HIVEP2: variants seen among roughly 807,000 people sequenced by gnomAD.
HIVEP2 encodes the protein transcription factor HIVEP2.
A neutral mutation model predicts 180.7 loss-of-function variants in HIVEP2; 14 were observed. That is an observed-to-expected ratio of 0.08 (90% CI 0.05 to 0.12). The LOEUF is 0.12. Ranked by LOEUF, HIVEP2 falls within the 10% of genes least tolerant of loss-of-function variation. The probability of loss-of-function intolerance (pLI) is 1.00; values close to 1 mark genes in which losing one functional copy is unlikely to be tolerated. For synonymous variants in HIVEP2, 1,184 were observed against 1,136.4 expected, an observed-to-expected ratio of 1.04 and a Z score of -0.84; for missense variants, 2,579 against 3,008.5, an observed-to-expected ratio of 0.86 and a Z score of 3.34.
chr6:142,868,414 G>A (rs1349947720), intron 1 of HIVEP2, among the ~76,000 whole-genome samples: 2 of 152,190 alleles, frequency 1.3e-5, no homozygotes, highest in Non-Finnish European at 2.9e-5. Flanking sequence ...CTCGGGCCAA[G>A]TGAAATGTCT....
intron 2 of HIVEP2, among the ~76,000 whole-genome samples, chr6:142,833,853 G>C (rs113713730): frequency 6.6e-6 from 1 of 152,132 alleles, no homozygotes; most frequent in Non-Finnish European, 1.5e-5. Context: ...TTTCACATCA[G>C]TTTGTAAATA....
intron 1 of HIVEP2, among the ~76,000 whole-genome samples, chr6:142,939,598 T>TA (rs994635274): frequency 4.6e-5 from 7 of 151,902 alleles, no homozygotes; most frequent in East Asian, 1.9e-4. Context: ...AGATCCTCAG[T>TA]AAAAAAAAGA....
chr6:142,905,898 G>A (rs907973439), intron 1 of HIVEP2, among the ~76,000 whole-genome samples: 2 of 152,164 alleles, frequency 1.3e-5, no homozygotes, highest in Admixed American at 6.5e-5. Context: ...TTGGGAGGCC[G>A]AGGCGGGGGC....
intron 1 of HIVEP2, among the ~76,000 whole-genome samples, chr6:142,894,947 GA>G (rs1776945730): frequency 6.6e-6 from 1 of 152,186 alleles, no homozygotes; most frequent in Non-Finnish European, 1.5e-5. Flanking sequence ...CTTGGAAATT[GA>G]AAGTCGCCTT....
At chr6:142,922,699 C>G (rs1328597461) in intron 1 of HIVEP2, among the ~76,000 whole-genome samples, 1 of 152,140 alleles carries the variant, frequency 6.6e-6, no homozygotes, top group African/African-American at 2.4e-5. Context: ...GCTCTGAAAC[C>G]CACAGTTCTG....
chr6:142,869,304 T>C (rs1254621963), intron 1 of HIVEP2, among the ~76,000 whole-genome samples: 1 of 152,102 alleles, frequency 6.6e-6, no homozygotes, highest in Non-Finnish European at 1.5e-5. Context: ...CCCTGAAAAA[T>C]GAAGTGCATG....
intron 2 of HIVEP2, among the ~76,000 whole-genome samples, chr6:142,815,935 C>T (rs554193001): frequency 9.3e-4 from 141 of 152,298 alleles, no homozygotes; most frequent in African/African-American, 3.3e-3. Context: ...CTCTTGATAA[C>T]ATACCAAGTT....
chr6:142,799,367 T>C (rs1470431566), intron 2 of HIVEP2, among the ~76,000 whole-genome samples: 4 of 152,136 alleles, frequency 2.6e-5, no homozygotes, highest in Non-Finnish European at 4.4e-5. Context: ...GAGACAGCGC[T>C]ATCTATGGTA....
chr6:142,770,135 T>A lies in HIVEP2; in HGVS notation c.4604A>T (p.Glu1535Val). Residue 1535 changes from glutamate to valine, a missense_variant, in exon 5 of 10, where the codon GAG (glutamate) becomes GTG (valine). Physicochemically the swap from Glu to Val is moderately radical, Grantham distance 121 (BLOSUM62 -2). Around this residue, in one of 11 missense-constraint regions of HIVEP2, gnomAD observed 349 missense variants for 367.2 expected, o/e 0.95. Transcript: ENST00000367603. The surrounding 1 kb of genome is among the most constrained non-coding windows in gnomAD (Gnocchi z 4.7). Reference protein sequence around the residue: ...DYPSVSPSSREPFLPSKEMLS... With the variant: ...DYPSVSPSSRVPFLPSKEMLS... Reference sequence around the variant, plus strand: ...CATCTCCTTGCTGGGCAGGAATGGCTCCCTGGAAGACGGGCTAACAGAAGG... The same window carrying A: ...CATCTCCTTGCTGGGCAGGAATGGCACCCTGGAAGACGGGCTAACAGAAGG... 1 of 1,614,144 alleles carries A rather than the reference T, an allele frequency of 6.2e-7. No homozygotes were observed. The highest frequency in any genetic ancestry group is 2.2e-5 in the East Asian group (1 of 44,866).
At chr6:142,940,619 G>T (rs1191096362) in intron 1 of HIVEP2, among the ~76,000 whole-genome samples, 1 of 152,184 alleles carries the variant, frequency 6.6e-6, no homozygotes, top group African/African-American at 2.4e-5. Context: ...CAGCCCCACT[G>T]GCTTGTTTTT....
chr6:142,927,233 A>C (rs1173426425), intron 1 of HIVEP2, among the ~76,000 whole-genome samples: 1 of 152,124 alleles, frequency 6.6e-6, no homozygotes, highest in Non-Finnish European at 1.5e-5. Flanking sequence ...GGGGAGGAAA[A>C]GGCGTGCGTT....
At chr6:142,860,773 C>T (rs1168567828) in intron 1 of HIVEP2, among the ~76,000 whole-genome samples, 1 of 152,208 alleles carries the variant, frequency 6.6e-6, no homozygotes, top group African/African-American at 2.4e-5. Flanking sequence ...CAGTTCCTAA[C>T]AGCCAACAGA....
In HIVEP2 at chr6:142,773,107, G is replaced by A. The variant is rs372687984; in HGVS notation, c.1632C>T (p.Asn544=). 1.9e-6 allele frequency: 3 copies of A among 1,614,236 alleles called. No individual in the cohort carries two copies. The highest frequency in any genetic ancestry group is 1.3e-5 in the African/African-American group (1 of 75,058). ...PVDSSPLIRS[N]SVPTSSATNL... is the part of the protein sequence containing the mutation. The stretch of plus-strand genomic sequence containing the variant: ...TAGTTGCTGAAGAAGTTGGCACTGA[G>A]TTGCTTCTAATAAGGGGTGAAGAGT... The change falls in exon 5 of 10, where the codon AAC becomes AAT. Residue 544 remains asparagine (N), a synonymous_variant. Coordinates refer to ENST00000367603, the MANE Select transcript of HIVEP2 (RefSeq NM_006734.4).
intron 1 of HIVEP2, among the ~76,000 whole-genome samples, chr6:142,871,629 A>AT (rs1479958302): frequency 6.6e-6 from 1 of 151,878 alleles, no homozygotes; most frequent in Non-Finnish European, 1.5e-5. Context: ...AAAAAAAAAA[A>AT]TCACAAAAAT....
intron 2 of HIVEP2, among the ~76,000 whole-genome samples, chr6:142,813,088 T>G (rs1344789754): frequency 6.6e-6 from 1 of 152,128 alleles, no homozygotes; most frequent in African/African-American, 2.4e-5. Context: ...TTAATAAAAT[T>G]ATGACTTTAT....
intron 1 of HIVEP2, among the ~76,000 whole-genome samples, chr6:142,900,030 A>C (rs1263952600): frequency 6.6e-6 from 1 of 152,218 alleles, no homozygotes; most frequent in Non-Finnish European, 1.5e-5. Context: ...ATAAGGTCTA[A>C]ACCTTAATAT....
At chr6:142,899,687 A>G (rs1229498409) in intron 1 of HIVEP2, among the ~76,000 whole-genome samples, 1 of 152,230 alleles carries the variant, frequency 6.6e-6, no homozygotes, top group Non-Finnish European at 1.5e-5. Flanking sequence ...TGCAGCTCAA[A>G]GTGTAAGGCT....
Position 142,772,935 on chromosome 6 carries a change from G to T in HIVEP2, c.1804C>A (p.Gln602Lys). The change falls in exon 5 of 10, where the codon CAG becomes AAG. Residue 602 changes from glutamine to lysine, a missense_variant. Physicochemically the swap from Gln to Lys is moderately conservative, Grantham distance 53. Coordinates refer to ENST00000367603, the MANE Select transcript of HIVEP2 (RefSeq NM_006734.4). The surrounding 1 kb of genome is among the most constrained non-coding windows in gnomAD (Gnocchi z 4.9). ...RQAAFELPSV[Q>K]EGHVEVEHHG... ...TGCTCGACTTCCACGTGGCCCTCCT[G>T]TACCGAAGGCAGCTCAAATGCCGCT... is the stretch of plus-strand genomic sequence containing the variant. The T allele has an allele frequency of 1.2e-6, 2 of 1,614,156 alleles. No homozygotes were observed. Among genetic ancestry groups the T allele is most frequent in the Non-Finnish European group, 1.7e-6 (2 of 1,180,026 alleles).
At chr6:142,841,234 T>C (rs920415430) in intron 1 of HIVEP2, among the ~76,000 whole-genome samples, 1 of 152,144 alleles carries the variant, frequency 6.6e-6, no homozygotes, top group Non-Finnish European at 1.5e-5. Flanking sequence ...AATTCCAAAT[T>C]ATCCATAATA....
Sources: allele counts gnomAD v4.1 joint callset (sites outside exome capture counted in the v4.1 genomes callset), GRCh38; gene constraint gnomAD v4.1.1; regional missense constraint gnomAD v4.1.1; non-coding constraint Gnocchi (gnomAD v3.1); transcripts MANE v1.5; gene names NCBI Gene and HGNC (gene_info 2026-07-23, HGNC 2026-07-21).